The following DNAH9 variants were observed in gnomAD, a reference collection of about 807,000 sequenced individuals.
DNAH9 encodes DNAH9 variant protein.
A neutral mutation model predicts 471.6 loss-of-function variants in DNAH9; 345 were observed. The ratio of observed to expected loss-of-function variants is 0.73; its 90% CI spans 0.67 to 0.80. DNAH9 has a LOEUF of 0.80. Among genes scored for constraint, DNAH9 ranks in the 30% least tolerant of loss-of-function variants. The pLI is 0.00. For missense variants in DNAH9, 5,407 were observed against 5,609.2 expected (o/e 0.96, Z 1.15); for synonymous variants, 2,093 against 2,123.6 (o/e 0.99, Z 0.40).
intron 68 of DNAH9, among the ~76,000 whole-genome samples, chr17:11,966,984 G>C (rs1435118375): frequency 7.3e-6 from 1 of 136,576 alleles, no homozygotes; most frequent in East Asian, 2.2e-4. Context: ...GCAGTGAGCC[G>C]AGATCATGCC....
At chr17:11,941,692 CCGGATAGA>C (rs1279779782) in intron 66 of DNAH9, among the ~76,000 whole-genome samples, 1 of 127,876 alleles carries the variant, frequency 7.8e-6, no homozygotes, top group Non-Finnish European at 1.7e-5. Flanking sequence ...GAGTGGATGA[CCGGATAGA>C]TAGATAGATA....
chr17:11,667,692 C>T (rs1283063135), intron 15 of DNAH9, among the ~76,000 whole-genome samples: 21 of 152,194 alleles, frequency 1.4e-4, no homozygotes, highest in Non-Finnish European at 4.4e-5. Flanking sequence ...AGGGCCTTGT[C>T]CTCATTTCTG....
intron 61 of DNAH9, among the ~76,000 whole-genome samples, chr17:11,906,627 CA>C (rs61461731): frequency 0.028 from 2,759 of 97,990 alleles, 54 homozygotes; most frequent in African/African-American, 0.097. Context: ...GACTCTGTCT[CA>C]AAAAAAAAAA....
chr17:11,831,714 T>C (rs377064518), intron 48 of DNAH9, among the ~76,000 whole-genome samples: 3 of 152,316 alleles, frequency 2.0e-5, no homozygotes, highest in East Asian at 3.9e-4. Flanking sequence ...GGGAAAACAC[T>C]CCTTTTCAGT....
At chr17:11,915,292 G>A (rs144365717) in intron 61 of DNAH9, among the ~76,000 whole-genome samples, 26 of 152,164 alleles carry the variant, frequency 1.7e-4, no homozygotes, top group South Asian at 1.5e-3. Context: ...TTGGGAGGCC[G>A]AGGCAGGCAG....
chr17:11,919,254 A>G (rs112848930), intron 61 of DNAH9, among the ~76,000 whole-genome samples: 28,282 of 150,734 alleles, frequency 0.19, 2,708 homozygotes, highest in East Asian at 0.27. Context: ...CCAGCACTTT[A>G]GGAGGCCGAG....
chr17:11,905,697 G>T lies in DNAH9; in HGVS notation c.11637G>T (p.Val3879=). ...AAGAGAAGTTAGGAAGCAAATACGT[G>T]GTGGGAAGAGCCCTAGATTTTGCAA... ...FVEEKLGSKY[V]VGRALDFATS... The change falls in exon 61 of 69, where the codon GTG becomes GTT. Residue 3879 remains valine (V), a synonymous_variant. Coordinates refer to ENST00000262442, the MANE Select transcript of DNAH9 (RefSeq NM_001372.4). 1 of 1,613,996 alleles carries T rather than the reference G, an allele frequency of 6.2e-7. No individual in the cohort carries two copies. The highest frequency in any genetic ancestry group is 8.5e-7 in the Non-Finnish European group (1 of 1,179,960).
In DNAH9 at chr17:11,926,847, C is replaced by T. The variant is rs765909664; in HGVS notation, c.11877+2906C>T. 2.8e-4 allele frequency among the ~76,000 whole-genome samples: 43 copies of T among 152,244 alleles called. 1 individual carries two copies. Among genetic ancestry groups the T allele is most frequent in the Non-Finnish European group, 3.5e-4 (24 of 68,002 alleles). ...GGAATTGCTACACTGTCTTCCACAA[C>T]GGTTGAACTAATTTACACTCCCACC... On this transcript the variant is annotated intron_variant, in intron 62 of 68. Transcript: ENST00000262442.
In DNAH9 at chr17:11,704,252, C is replaced by T; in HGVS notation, c.5201C>T (p.Ala1734Val). The change falls in exon 25 of 69, where the codon GCA (alanine) becomes GTA (valine). Residue 1734 changes from alanine (A) to valine (V), a missense_variant. Physicochemically the swap from Ala to Val is moderately conservative, Grantham distance 64. This residue lies in a region of DNAH9 where 4,636 missense variants were observed against 4,900.3 expected (regional missense o/e 0.95). Transcript: ENST00000262442. The part of the protein sequence containing the change: ...QIWWTTEVGM[A>V]FARLEEGYES... ...TGGTGGACAACAGAAGTGGGCATGG[C>T]ATTTGCCAGGCTGGAGGAAGGCTAT... 1 of 1,614,168 alleles carries T rather than the reference C, an allele frequency of 6.2e-7. No homozygotes were observed. Among genetic ancestry groups the T allele is most frequent in the Non-Finnish European group, 8.5e-7 (1 of 1,179,996 alleles).
At chr17:11,950,646 A>G (rs1159611837) in intron 67 of DNAH9, among the ~76,000 whole-genome samples, 1 of 152,184 alleles carries the variant, frequency 6.6e-6, no homozygotes, top group Admixed American at 6.5e-5. Context: ...AATTACAGGC[A>G]TGAGCCACTG....
At chr17:11,947,772 ATTTTTTTTTTT>A (rs71367359) in intron 67 of DNAH9, among the ~76,000 whole-genome samples, 6 of 108,344 alleles carry the variant, frequency 5.5e-5, no homozygotes, top group South Asian at 2.9e-4. Flanking sequence ...GCTGGGAACT[ATTTTTTTTTTT>A]TTTTTTTTTT....
Position 11,610,602 on chromosome 17 carries a change from A to G in DNAH9, c.773+48A>G, listed in dbSNP as rs755444882. On this transcript the variant is annotated intron_variant, in intron 3 of 68. Transcript: ENST00000262442. ...GAAGTCTGGGGTGAAGATGTCTTACAGAGACTAAAGCTAGAGCTTTCCTGG... is the reference window on the plus strand; with the variant it reads ...GAAGTCTGGGGTGAAGATGTCTTACGGAGACTAAAGCTAGAGCTTTCCTGG... 8.8e-6 allele frequency: 14 copies of G among 1,584,246 alleles called. 1 individual carries two copies. In the South Asian group the frequency reaches 1.2e-4, roughly 14 times the overall value.
intron 67 of DNAH9, among the ~76,000 whole-genome samples, chr17:11,953,377 C>G (rs981164851): frequency 2.0e-5 from 3 of 152,192 alleles, no homozygotes; most frequent in African/African-American, 7.2e-5. Flanking sequence ...CTTTACCTTG[C>G]TTTTTCCCCT....
At chr17:11,629,073 G>T (rs2073019235) in intron 6 of DNAH9, among the ~76,000 whole-genome samples, 1 of 148,944 alleles carries the variant, frequency 6.7e-6, no homozygotes, top group African/African-American at 2.5e-5. Flanking sequence ...TGATCATGAT[G>T]ATGATTTTAA....
At chr17:11,804,820 G>A (rs529915982) in intron 43 of DNAH9, among the ~76,000 whole-genome samples, 12 of 151,560 alleles carry the variant, frequency 7.9e-5, no homozygotes, top group East Asian at 1.9e-4. Flanking sequence ...CTTGCAGTGA[G>A]CCGAGATCGC....
intron 26 of DNAH9, among the ~76,000 whole-genome samples, chr17:11,710,260 T>C (rs933769156): frequency 8.5e-5 from 13 of 152,294 alleles, no homozygotes; most frequent in African/African-American, 3.1e-4. Flanking sequence ...CCATAATTTA[T>C]GTAACATAAC....
intron 8 of DNAH9, 94 bp downstream of exon 8, chr17:11,632,797 C>T (rs1597410927): frequency 1.7e-6 from 1 of 605,630 alleles, no homozygotes; most frequent in Non-Finnish European, 3.0e-6. Context: ...TGTTCTGTTC[C>T]TGCAACTATT....
intron 68 of DNAH9, among the ~76,000 whole-genome samples, chr17:11,965,277 T>C (rs1470931741): frequency 6.6e-6 from 1 of 152,368 alleles, no homozygotes; most frequent in Middle Eastern, 3.4e-3. Context: ...TTAAACTGCC[T>C]GGCTAAGCAC....
chr17:11,925,338 C>A (rs1833870189), intron 62 of DNAH9: 1 of 361,968 alleles, frequency 2.8e-6, no homozygotes, highest in Middle Eastern at 3.8e-4. Flanking sequence ...TCCCCCATCT[C>A]CTGATTACTG....
Sources: gnomAD v4.1 joint callset for allele counts (sites outside exome capture counted in the v4.1 genomes callset) on GRCh38, gnomAD v4.1.1 for gene constraint, gnomAD v4.1.1 regional missense constraint, MANE v1.5 for transcripts, NCBI Gene and HGNC (gene_info 2026-07-23, HGNC 2026-07-21) for gene names.